The following CCDC38 variants were observed in gnomAD, a reference collection of about 807,000 sequenced individuals.
The protein encoded by CCDC38 is coiled-coil domain-containing protein 38.
In CCDC38, 69 loss-of-function variants were observed where a neutral mutation model predicts 72.8. The observed-to-expected ratio is 0.95, with a 90% CI of 0.78 to 1.16. The LOEUF (loss-of-function observed/expected upper bound fraction) is 1.16. CCDC38 is among the 50% of genes most tolerant of loss of function. The probability of loss-of-function intolerance (pLI) is 0.00; values close to 1 mark genes in which losing one functional copy is unlikely to be tolerated. For missense variants in CCDC38, 626 were observed against 638.9 expected (o/e 0.98, Z 0.22); for synonymous variants, 201 against 213.2 (o/e 0.94, Z 0.50).
chr12:95,890,333 G>A (rs1396144491), intron 9 of CCDC38, among the ~76,000 whole-genome samples: 2 of 152,236 alleles, frequency 1.3e-5, no homozygotes, highest in South Asian at 2.1e-4. Context: ...GTGGGAGGAG[G>A]AGGGTCATTC....
chr12:95,936,144 G>A (rs897715197), intron 2 of CCDC38, among the ~76,000 whole-genome samples: 1 of 152,022 alleles, frequency 6.6e-6, no homozygotes, highest in Non-Finnish European at 1.5e-5. Context: ...AGGATAAGAT[G>A]AGAAAGGGTG....
At chr12:95,904,891 A>G (rs1344137816) in intron 5 of CCDC38, among the ~76,000 whole-genome samples, 1 of 152,234 alleles carries the variant, frequency 6.6e-6, no homozygotes, top group Non-Finnish European at 1.5e-5. Flanking sequence ...CCCGGAAGTC[A>G]AGAGCAAAGG....
intron 4 of CCDC38, among the ~76,000 whole-genome samples, chr12:95,911,507 C>A (rs903059276): frequency 6.6e-6 from 1 of 151,956 alleles, no homozygotes; most frequent in Admixed American, 6.6e-5. Context: ...AAGACAAAGG[C>A]CTAATATCCA....
At chr12:95,869,967 G>A (rs1158879859) in intron 14 of CCDC38, among the ~76,000 whole-genome samples, 1 of 151,986 alleles carries the variant, frequency 6.6e-6, no homozygotes, top group African/African-American at 2.4e-5. Flanking sequence ...GGGATTACAG[G>A]TGCATGCCAC....
intron 8 of CCDC38, among the ~76,000 whole-genome samples, chr12:95,891,759 G>A (rs2079829737): frequency 6.6e-6 from 1 of 151,526 alleles, no homozygotes; most frequent in Non-Finnish European, 1.5e-5. Flanking sequence ...TTTTTCATGT[G>A]CTCAACACTT....
chr12:95,908,210 G>A (rs1019721243), intron 4 of CCDC38, among the ~76,000 whole-genome samples: 6 of 151,646 alleles, frequency 4.0e-5, no homozygotes, highest in African/African-American at 1.5e-4. Context: ...CTGCAATCCC[G>A]GCACCTCGGG....
At chr12:95,936,610 C>T in intron 1 of CCDC38, 87 bp from the exon 2 acceptor site, 1 of 1,032,398 alleles carries the variant, frequency 9.7e-7, no homozygotes, top group Admixed American at 2.1e-5. Flanking sequence ...GACTCCTTAA[C>T]AGTCCTTATG....
chr12:95,898,362 G>A lies in CCDC38; in HGVS notation c.614+23C>T, dbSNP rs1369826. On this transcript the variant is annotated intron_variant, in intron 7 of 15. Transcript: ENST00000344280. Reference sequence around the variant, plus strand: ...TAATGGGTCGTGGAAATTTGGCCACGAGAAGATTGTGCCCACCCTCACCTT... The same window carrying A: ...TAATGGGTCGTGGAAATTTGGCCACAAGAAGATTGTGCCCACCCTCACCTT... The A allele has an allele frequency of 0.012, 18,566 of 1,611,720 alleles. 1,903 individuals are homozygous for A. The African/African-American group carries it at 0.22, about 19-fold the overall frequency.
intron 3 of CCDC38, among the ~76,000 whole-genome samples, chr12:95,917,542 T>C (rs2080158940): frequency 6.6e-6 from 1 of 152,158 alleles, no homozygotes. Context: ...TCAGCTTCAT[T>C]TTCACAATTT....
At chr12:95,892,478 C>G (rs1337891476) in intron 8 of CCDC38, among the ~76,000 whole-genome samples, 1 of 151,214 alleles carries the variant, frequency 6.6e-6, no homozygotes, top group Non-Finnish European at 1.5e-5. Flanking sequence ...GAGACTATGT[C>G]TCACTATGTT....
intron 4 of CCDC38, among the ~76,000 whole-genome samples, chr12:95,912,267 A>G (rs1484023890): frequency 2.0e-5 from 3 of 152,318 alleles, no homozygotes; most frequent in Non-Finnish European, 2.9e-5. Context: ...ATTGGGTACC[A>G]TGTTCACTAT....
chr12:95,880,007 T>C, intron 11 of CCDC38: 2 of 328,502 alleles, frequency 6.1e-6, no homozygotes. Context: ...GATGAGGGTA[T>C]TAAAAAAGGG....
chr12:95,913,843 G>T (rs1271940458), intron 4 of CCDC38, among the ~76,000 whole-genome samples: 1 of 151,858 alleles, frequency 6.6e-6, no homozygotes, highest in Non-Finnish European at 1.5e-5. Flanking sequence ...AGCAAGCTTT[G>T]GAATCAGACA....
intron 2 of CCDC38, among the ~76,000 whole-genome samples, chr12:95,920,966 G>A (rs758472521): frequency 5.3e-5 from 8 of 151,792 alleles, no homozygotes; most frequent in South Asian, 2.1e-4. Flanking sequence ...CCATCTCTAC[G>A]AAGAATACAA....
chr12:95,921,128 C>CAAA (rs71307534), intron 2 of CCDC38, among the ~76,000 whole-genome samples: 1 of 129,450 alleles, frequency 7.7e-6, no homozygotes. Context: ...AACTCCATCT[C>CAAA]AAAAAAAAAA....
intron 2 of CCDC38, among the ~76,000 whole-genome samples, chr12:95,923,327 T>C (rs1318939120): frequency 1.3e-5 from 2 of 152,122 alleles, no homozygotes; most frequent in East Asian, 3.9e-4. Context: ...TTCTGCCTAA[T>C]ACAGTGGTGT....
At chr12:95,938,244 C>T (rs928917227) in intron 1 of CCDC38, among the ~76,000 whole-genome samples, 3 of 152,060 alleles carry the variant, frequency 2.0e-5, no homozygotes, top group Non-Finnish European at 2.9e-5. Context: ...AAAGAAAGAT[C>T]GGTGAAAAAT....
At chr12:95,916,395 T>TCCTTCCTTCCTTCCTTCCTC (rs2080145145) in intron 4 of CCDC38, among the ~76,000 whole-genome samples, 1 of 151,660 alleles carries the variant, frequency 6.6e-6, no homozygotes, top group Admixed American at 6.6e-5. Context: ...CTTCCTTCCT[T>TCCTTCCTTCCTTCCTTCCTC]CCTTCCTTCC....
chr12:95,902,536 G>T (rs1427611875), intron 5 of CCDC38, among the ~76,000 whole-genome samples: 6 of 152,048 alleles, frequency 3.9e-5, no homozygotes, highest in Non-Finnish European at 8.8e-5. Flanking sequence ...ATCCATGTTG[G>T]TAGAATATCC....
Sources: allele counts gnomAD v4.1 joint callset (sites outside exome capture counted in the v4.1 genomes callset), GRCh38; gene constraint gnomAD v4.1.1; transcripts MANE v1.5; gene names NCBI Gene and HGNC (gene_info 2026-07-23, HGNC 2026-07-21).